Variants in JSRP1 observed in about 807,000 individuals in gnomAD.
JSRP1 encodes junctional sarcoplasmic reticulum protein 1.
JSRP1 carries 29 observed loss-of-function variants against 21.4 expected under a neutral mutation model. That is an observed-to-expected ratio of 1.36 (90% confidence interval 1.01 to 1.85). JSRP1 has a LOEUF of 1.85. Among genes scored for constraint, JSRP1 ranks in the 40% most tolerant of loss-of-function variants. JSRP1 has a pLI of 0.00. For synonymous variants in JSRP1, 221 were observed against 206.1 expected (o/e 1.07, Z -0.62); for missense variants, 531 against 461.5 (o/e 1.15, Z -1.38).
chr19:2,255,605 C>T (rs531051424), intron 1 of JSRP1, among the ~76,000 whole-genome samples: 2 of 152,270 alleles, frequency 1.3e-5, no homozygotes, highest in Non-Finnish European at 2.9e-5. Flanking sequence ...CCAGGCTGCT[C>T]TGGCCCAGAG....
At position 2,253,710 on chromosome 19, in the gene JSRP1, C is replaced by T. The variant is rs748512993; in HGVS notation, c.346G>A (p.Glu116Lys). 3 of 1,500,992 alleles carry T rather than the reference C, an allele frequency of 2.0e-6. No homozygotes were observed. The highest frequency in any genetic ancestry group is 2.6e-6 in the Non-Finnish European group (3 of 1,132,828). 93.0% of individuals were successfully genotyped at this position (1,500,992 alleles called of 1,614,324 possible). A position where few individuals can be genotyped will look rare whatever the true frequency, so the allele number is the denominator to read the frequency against. The stretch of plus-strand genomic sequence containing the variant: ...AGCGACAGGTCTCCCCAGGGCAGCT[C>T]CTCGCTCAGGGCCGGGGGCGGCGGC... ...PPPPPPALSEELPWGDLSLNK... is the reference protein window; with the variant it reads ...PPPPPPALSEKLPWGDLSLNK... The change falls in exon 5 of 7, where the codon GAG (glutamate) becomes AAG (lysine). Residue 116 changes from glutamate (E) to lysine (K), a missense_variant. Physicochemically the swap from Glu to Lys is moderately conservative, Grantham distance 56. Coordinates refer to ENST00000300961, the MANE Select transcript of JSRP1 (RefSeq NM_144616.4).
chr19:2,252,330 C>G lies in JSRP1; in HGVS notation c.995G>C (p.Ter332SerextTer?). 6.8e-7 allele frequency: 1 copy of G among 1,475,118 alleles called. No homozygotes were observed. The highest frequency in any genetic ancestry group is 8.9e-7 in the Non-Finnish European group (1 of 1,118,768). 91.4% of individuals were successfully genotyped at this position (1,475,118 alleles called of 1,614,324 possible). A position where few individuals can be genotyped will look rare whatever the true frequency, so the allele number is the denominator to read the frequency against. The change falls in exon 7 of 7, where the codon TGA becomes TCA. Residue 332 changes from the stop codon to serine (S), a stop_lost. Coordinates refer to ENST00000300961, the MANE Select transcript of JSRP1 (RefSeq NM_144616.4). ...CCTGGACTCCGGCGCGGGGCCGGCT[C>G]AGTCCCGCCCCTTGCCTGCGCGGAG... ...QKLRAGKGRD* is the reference protein window; with the variant it reads ...QKLRAGKGRDS
intron 5 of JSRP1, 79 bp from the exon 6 acceptor site, chr19:2,253,082 G>GCC (rs1001305338): frequency 2.0e-6 from 2 of 1,015,992 alleles, no homozygotes; most frequent in African/African-American, 3.2e-5. Flanking sequence ...CACCCCTAGA[G>GCC]CCCCCCTCCC....
Position 2,252,971 on chromosome 19 carries a change from G to T in JSRP1, c.469C>A (p.Arg157Ser), listed in dbSNP as rs2025084624. The T allele has an allele frequency of 6.2e-7, 1 of 1,607,542 alleles. No homozygotes were observed. The highest frequency in any genetic ancestry group is 8.5e-7 in the Non-Finnish European group (1 of 1,177,688). ...AVPGEAALQA[R>S]VPEPWVPPSS... The stretch of plus-strand genomic sequence containing the variant: ...GGCGGGACCCAGGGCTCGGGCACAC[G>T]TGCTTGGAGTGCTGCCTCCCCAGGG... The change falls in exon 6 of 7, where the codon CGT becomes AGT. Residue 157 changes from arginine to serine, a missense_variant. By Grantham distance (110) the Arg-to-Ser change is moderately radical. Coordinates refer to ENST00000300961, the MANE Select transcript of JSRP1 (RefSeq NM_144616.4).
intron 4 of JSRP1, 143 bp from the exon 5 acceptor site, chr19:2,253,936 G>GC (rs1265039990): frequency 1.0e-6 from 1 of 966,190 alleles, no homozygotes; most frequent in African/African-American, 1.7e-5. Flanking sequence ...GGTGAACCCA[G>GC]CCCCGGGTGC....
chr19:2,252,732 C>G lies in JSRP1; in HGVS notation c.593G>C (p.Arg198Thr). ...PPAPRAEAEV[R>T]PKIPGSREAA... Reference sequence around the variant, plus strand: ...CTCCCGACTCCCGGGAATCTTGGGTCTGACCTCTGCCTCGGCCCGGGGCGC... The same window carrying G: ...CTCCCGACTCCCGGGAATCTTGGGTGTGACCTCTGCCTCGGCCCGGGGCGC... Residue 198 changes from arginine to threonine, a missense_variant, in exon 7 of 7, where the codon AGA (arginine) becomes ACA (threonine). Transcript: ENST00000300961. 1 of 1,612,622 alleles carries G rather than the reference C, an allele frequency of 6.2e-7. No individual in the cohort carries two copies. Among genetic ancestry groups the G allele is most frequent in the Non-Finnish European group, 8.5e-7 (1 of 1,179,946 alleles).
Position 2,254,263 on chromosome 19 carries a change from C to T in JSRP1, c.186G>A (p.Arg62=). The change falls in exon 4 of 7, where the codon AGG becomes AGA. Residue 62 remains arginine, a synonymous_variant. Transcript: ENST00000300961. ...QVAEGPSVDT[R]PKKMEKEPAA... is the part of the protein sequence containing the mutation. Reference sequence around the variant, plus strand: ...CAGGCTCTTTTTCCATCTTCTTGGGCCTGGTGTCCACACTGGGGCCTTCAG... The same window carrying T: ...CAGGCTCTTTTTCCATCTTCTTGGGTCTGGTGTCCACACTGGGGCCTTCAG... 6.2e-7 allele frequency: 1 copy of T among 1,605,596 alleles called. No homozygotes were observed. The highest frequency in any genetic ancestry group is 1.1e-5 in the South Asian group (1 of 90,064).
At chr19:2,255,086 G>T in intron 2 of JSRP1, 120 bp downstream of exon 2, 1 of 580,810 alleles carries the variant, frequency 1.7e-6, no homozygotes, top group South Asian at 2.9e-5. Context: ...TGAACATGGG[G>T]AGCACACTAT....
intron 5 of JSRP1, 84 bp from the exon 6 acceptor site, chr19:2,253,087 C>A (rs1476687736): frequency 2.1e-6 from 2 of 956,828 alleles, no homozygotes; most frequent in East Asian, 5.3e-5. Context: ...CTAGAGCCCC[C>A]CTCCCTGGAC....
At position 2,252,302 on chromosome 19, in the gene JSRP1, G is replaced by T. The variant is rs1328356946; in HGVS notation, c.*27C>A. On this transcript the variant is annotated 3_prime_UTR_variant, in exon 7 of 7. Transcript: ENST00000300961. ...CAGAGTCGCGGGGCGTCCAGAAGGG[G>T]CCCCTGGACTCCGGCGCGGGGCCGG... 1.4e-6 allele frequency: 2 copies of T among 1,434,394 alleles called. No homozygotes were observed. The highest frequency in any genetic ancestry group is 1.5e-5 in the South Asian group (1 of 68,276). 88.9% of individuals were successfully genotyped at this position (1,434,394 alleles called of 1,614,324 possible). A position where few individuals can be genotyped will look rare whatever the true frequency, so the allele number is the denominator to read the frequency against.
At chr19:2,253,436 G>A (rs1239557355) in intron 5 of JSRP1, among the ~76,000 whole-genome samples, 184 bp downstream of exon 5, 1 of 152,264 alleles carries the variant, frequency 6.6e-6, no homozygotes, top group African/African-American at 2.4e-5. Flanking sequence ...CACACCGGGT[G>A]AGAGGGGCGC....
rs1172827089 is a variant in JSRP1 at position 2,252,493 on chromosome 19, G to A, written c.832C>T (p.Pro278Ser). Residue 278 changes from proline to serine, a missense_variant, in exon 7 of 7, where the codon CCC (proline) becomes TCC (serine). Physicochemically the swap from Pro to Ser is moderately conservative, Grantham distance 74. Coordinates refer to ENST00000300961, the MANE Select transcript of JSRP1 (RefSeq NM_144616.4). ...CCTTCGCGTGACTCCCAGCGCTGGG[G>A]TAGGGCTTCCCGGGGCTCCCTGGCG... ...RAAREPREAL[P>S]QRWESREGGH... 10 of 1,612,326 alleles carry A rather than the reference G, an allele frequency of 6.2e-6. No homozygotes were observed. The highest frequency in any genetic ancestry group is 8.5e-6 in the Non-Finnish European group (10 of 1,179,854).
In JSRP1 at chr19:2,252,535, C is replaced by T. The variant is rs1196087986; in HGVS notation, c.790G>A (p.Glu264Lys). 8.1e-6 allele frequency: 13 copies of T among 1,612,922 alleles called. No individual in the cohort carries two copies. The highest frequency in any genetic ancestry group is 1.3e-5 in the African/African-American group (1 of 75,052). ...TCCCTGGCGGCCCGTGGCCTCTCCT[C>T]TTTCCGCGGCCTCTCTTTCTTAGGT... Reference protein sequence around the residue: ...ERPKKERPRKEERPRAAREPR... With the variant: ...ERPKKERPRKKERPRAAREPR... Residue 264 changes from glutamate (E) to lysine (K), a missense_variant, in exon 7 of 7, where the codon GAG becomes AAG. Glu to Lys is a moderately conservative substitution (Grantham distance 56, BLOSUM62 1). Coordinates refer to ENST00000300961, the MANE Select transcript of JSRP1 (RefSeq NM_144616.4).
chr19:2,255,201 G>A lies in JSRP1; in HGVS notation c.109+5C>T, dbSNP rs745842561. The A allele has an allele frequency of 1.3e-6, 2 of 1,582,994 alleles. No individual in the cohort carries two copies. Among genetic ancestry groups the A allele is most frequent in the East Asian group, 4.5e-5 (2 of 44,086 alleles). Reference sequence around the variant, plus strand: ...GGCTTCCTCCCGCCAGCGCCACAAGGGTACCTGAAGCCCTGTCCTCCTGGG... The same window carrying A: ...GGCTTCCTCCCGCCAGCGCCACAAGAGTACCTGAAGCCCTGTCCTCCTGGG... On this transcript the variant is annotated splice_donor_5th_base_variant and intron_variant, in intron 2 of 6. Coordinates refer to ENST00000300961, the MANE Select transcript of JSRP1 (RefSeq NM_144616.4).
chr19:2,253,940 C>G (rs572577130), intron 4 of JSRP1, 147 bp from the exon 5 acceptor site: 1 of 974,516 alleles, frequency 1.0e-6, no homozygotes, highest in East Asian at 3.0e-5. Context: ...AACCCAGCCC[C>G]GGGTGCCCCG....
chr19:2,252,347 T>C lies in JSRP1; in HGVS notation c.978A>G (p.Ala326=). ...GGCCGGCTCAGTCCCGCCCCTTGCCTGCGCGGAGCTTCTGGCGACTCCCAG... is the reference window on the plus strand; with the variant it reads ...GGCCGGCTCAGTCCCGCCCCTTGCCCGCGCGGAGCTTCTGGCGACTCCCAG... ...QRPGSRQKLR[A]GKGRD The change falls in exon 7 of 7, where the codon GCA becomes GCG. Residue 326 remains alanine (A), a synonymous_variant. Coordinates refer to ENST00000300961, the MANE Select transcript of JSRP1 (RefSeq NM_144616.4). 3 of 1,527,872 alleles carry C rather than the reference T, an allele frequency of 2.0e-6. No individual in the cohort carries two copies. The highest frequency in any genetic ancestry group is 2.6e-6 in the Non-Finnish European group (3 of 1,141,520). The allele number at this position is 1,527,872 out of a possible 1,614,324, so 94.6% of individuals were successfully genotyped here. A position where few individuals can be genotyped will look rare whatever the true frequency, so the allele number is the denominator to read the frequency against.
At chr19:2,255,881 A>C (rs1174398905) in intron 1 of JSRP1, among the ~76,000 whole-genome samples, 1 of 152,146 alleles carries the variant, frequency 6.6e-6, no homozygotes, top group Non-Finnish European at 1.5e-5. Flanking sequence ...CTCAGGCCCC[A>C]GCAGCAGAAC....
In JSRP1 at chr19:2,255,251, C is replaced by T. The variant is rs778613217; in HGVS notation, c.64G>A (p.Glu22Lys). 13 of 1,611,356 alleles carry T rather than the reference C, an allele frequency of 8.1e-6. No homozygotes were observed. The East Asian group carries it at 2.5e-4, about 30-fold the overall frequency. Residue 22 changes from glutamate (E) to lysine (K), a missense_variant, in exon 2 of 7, where the codon GAG (glutamate) becomes AAG (lysine). Coordinates refer to ENST00000300961, the MANE Select transcript of JSRP1 (RefSeq NM_144616.4). Reference sequence around the variant, plus strand: ...GTCTCGGCCAGCGCAGAGTGGTCCTCCAGGGCCTGGCAGCTGCCCAGGCCG... The same window carrying T: ...GTCTCGGCCAGCGCAGAGTGGTCCTTCAGGGCCTGGCAGCTGCCCAGGCCG... ...DGGLGSCQAL[E>K]DHSALAETQE...
At position 2,253,732 on chromosome 19, in the gene JSRP1, C is replaced by T; in HGVS notation, c.324G>A (p.Pro108=). 6 of 1,487,220 alleles carry T rather than the reference C, an allele frequency of 4.0e-6. No individual in the cohort carries two copies. The highest frequency in any genetic ancestry group is 2.8e-5 in the East Asian group (1 of 35,750). The allele number at this position is 1,487,220 out of a possible 1,614,324, so 92.1% of individuals were successfully genotyped here. A position where few individuals can be genotyped will look rare whatever the true frequency, so the allele number is the denominator to read the frequency against. Residue 108 remains proline (P), a synonymous_variant, in exon 5 of 7, where the codon CCG becomes CCA. Coordinates refer to ENST00000300961, the MANE Select transcript of JSRP1 (RefSeq NM_144616.4). The part of the protein sequence containing the change: ...AQTAPPLQPP[P]PPPALSEELP... The stretch of plus-strand genomic sequence containing the variant: ...GCTCCTCGCTCAGGGCCGGGGGCGG[C>T]GGCGGCGGCTGCAGGGGCGGCGCGG...
Sources: gnomAD v4.1 joint callset for allele counts (sites outside exome capture counted in the v4.1 genomes callset) on GRCh38, gnomAD v4.1.1 for gene constraint, MANE v1.5 for transcripts, NCBI Gene and HGNC (gene_info 2026-07-23, HGNC 2026-07-21) for gene names.